SKAP1: variants seen among roughly 807,000 people sequenced by gnomAD.
SKAP1 encodes src kinase associated phosphoprotein 1, also known as src kinase-associated phosphoprotein 1.
In SKAP1, 44 loss-of-function variants were observed where a neutral mutation model predicts 58.5. The observed-to-expected ratio is 0.75, with a 90% CI of 0.59 to 0.97. The LOEUF (loss-of-function observed/expected upper bound fraction) is 0.97, where lower values mean the gene tolerates loss of function less well. SKAP1 is among the 50% of genes least tolerant of loss of function. The pLI, the probability that SKAP1 is intolerant of heterozygous loss-of-function variation, is 0.00. For missense variants in SKAP1, 390 were observed against 435.2 expected, an observed-to-expected ratio of 0.90 and a Z score of 0.92; for synonymous variants, 127 against 149.7, an observed-to-expected ratio of 0.85 and a Z score of 1.11.
intron 2 of SKAP1, among the ~76,000 whole-genome samples, chr17:48,388,742 T>C (rs568951870): frequency 1.3e-5 from 2 of 152,360 alleles, no homozygotes; most frequent in East Asian, 3.9e-4. Context: ...CTTCATTTTT[T>C]TGATGGCTTG....
At chr17:48,414,019 C>A (rs1047896591) in intron 1 of SKAP1, among the ~76,000 whole-genome samples, 2 of 152,182 alleles carry the variant, frequency 1.3e-5, no homozygotes, top group Admixed American at 6.5e-5. Context: ...GCTACATTGT[C>A]TAAATGCATT....
At chr17:48,219,670 G>A (rs1275442466) in intron 4 of SKAP1, among the ~76,000 whole-genome samples, 1 of 152,106 alleles carries the variant, frequency 6.6e-6, no homozygotes, top group African/African-American at 2.4e-5. Context: ...AATTATTATT[G>A]ATGAAATTAG....
intron 11 of SKAP1, among the ~76,000 whole-genome samples, chr17:48,147,408 A>G (rs2063845198): frequency 6.6e-6 from 1 of 152,180 alleles, no homozygotes; most frequent in African/African-American, 2.4e-5. Flanking sequence ...TTTACTCTGG[A>G]TTTCCCCACA....
At chr17:48,439,825 G>A in the SKAP1 span, among the ~76,000 whole-genome samples, 1 of 152,126 alleles carries the variant, frequency 6.6e-6, no homozygotes, top group South Asian at 2.1e-4. Flanking sequence ...AAACATGAGG[G>A]CCTGTGTTCT....
intron 4 of SKAP1, among the ~76,000 whole-genome samples, chr17:48,260,575 G>T (rs1366215748): frequency 6.6e-6 from 1 of 152,082 alleles, no homozygotes; most frequent in East Asian, 1.9e-4. Flanking sequence ...TAATTGATTT[G>T]ACTCGTGGAC....
chr17:48,183,172 T>A (rs2064393418), intron 7 of SKAP1, among the ~76,000 whole-genome samples: 1 of 152,180 alleles, frequency 6.6e-6, no homozygotes, highest in Non-Finnish European at 1.5e-5. Context: ...GGGGGATTCT[T>A]TCAATAGTAG....
At chr17:48,264,782 A>ACACACACC (rs1555609823) in intron 4 of SKAP1, among the ~76,000 whole-genome samples, 33 of 146,972 alleles carry the variant, frequency 2.2e-4, no homozygotes, top group Admixed American at 1.1e-3. Flanking sequence ...ACACACACAC[A>ACACACACC]CCCTCCATCT....
At chr17:48,417,052 T>C (rs183565955) in intron 1 of SKAP1, among the ~76,000 whole-genome samples, 24 of 152,230 alleles carry the variant, frequency 1.6e-4, no homozygotes, top group Non-Finnish European at 2.9e-4. Flanking sequence ...AATGTCATCA[T>C]TAAGGCATAT....
chr17:48,337,787 G>C (rs540143267), intron 4 of SKAP1, among the ~76,000 whole-genome samples: 1 of 152,244 alleles, frequency 6.6e-6, no homozygotes, highest in East Asian at 1.9e-4. Flanking sequence ...ACTGAAACTT[G>C]CAAGAAATCA....
the SKAP1 span, among the ~76,000 whole-genome samples, chr17:48,437,550 C>T: frequency 6.6e-6 from 1 of 152,050 alleles, no homozygotes; most frequent in African/African-American, 2.4e-5. Context: ...TGAGACCAGC[C>T]TGGCCAACAC....
chr17:48,252,555 T>A (rs118181760), intron 4 of SKAP1, among the ~76,000 whole-genome samples: 490 of 152,308 alleles, frequency 3.2e-3, no homozygotes, highest in Non-Finnish European at 5.2e-3. Context: ...AGAGAAGGAA[T>A]ATGAGGATAG....
chr17:48,387,830 A>C (rs2067296759), intron 2 of SKAP1, among the ~76,000 whole-genome samples: 1 of 152,118 alleles, frequency 6.6e-6, no homozygotes, highest in Admixed American at 6.5e-5. Context: ...CTTTTTTTAA[A>C]AAAAATCAAA....
intron 4 of SKAP1, chr17:48,295,693 G>A (rs1444061486): frequency 3.6e-5 from 5 of 139,152 alleles, no homozygotes; most frequent in African/African-American, 5.3e-5. Flanking sequence ...ATATTTTTGT[G>A]TCTGGCACAA....
At chr17:48,186,160 A>G (rs1433835931) in intron 6 of SKAP1, 3 of 152,246 alleles carry the variant, frequency 2.0e-5, no homozygotes, top group Non-Finnish European at 4.4e-5. Flanking sequence ...TTTTAAAATA[A>G]GAAAAGAACA....
chr17:48,406,878 T>A (rs2067593920), intron 1 of SKAP1, among the ~76,000 whole-genome samples: 1 of 152,058 alleles, frequency 6.6e-6, no homozygotes. Context: ...TTTTTAAAAA[T>A]TTTTTGTAGA....
intron 4 of SKAP1, among the ~76,000 whole-genome samples, chr17:48,328,093 C>T (rs547635618): frequency 6.6e-6 from 1 of 152,176 alleles, no homozygotes; most frequent in Non-Finnish European, 1.5e-5. Context: ...TGGCTTTCAT[C>T]TGGGTTCCAT....
chr17:48,203,601 G>C (rs2064757441), intron 4 of SKAP1: 1 of 152,080 alleles, frequency 6.6e-6, no homozygotes, highest in African/African-American at 2.4e-5. Flanking sequence ...TTATTGTTTG[G>C]TATAGCACCT....
chr17:48,313,126 G>A (rs1301274701), intron 4 of SKAP1, among the ~76,000 whole-genome samples: 3 of 120,088 alleles, frequency 2.5e-5, no homozygotes, highest in African/African-American at 9.5e-5. Flanking sequence ...TTCTTGTTAT[G>A]CACTATTGGT....
intron 3 of SKAP1, among the ~76,000 whole-genome samples, chr17:48,355,441 CTAA>C (rs756287463): frequency 2.4e-4 from 36 of 152,192 alleles, no homozygotes; most frequent in Non-Finnish European, 4.4e-4. Flanking sequence ...CCATGCTTGG[CTAA>C]TTTTTGTATC....
Sources: allele counts gnomAD v4.1 joint callset (sites outside exome capture counted in the v4.1 genomes callset), GRCh38; gene constraint gnomAD v4.1.1; transcripts MANE v1.5; gene names NCBI Gene and HGNC (gene_info 2026-07-23, HGNC 2026-07-21).